EYA3: variants seen among roughly 807,000 people sequenced by gnomAD.
The protein encoded by EYA3 is EYA transcriptional coactivator and phosphatase 3, also known as protein phosphatase EYA3.
A neutral mutation model predicts 80.0 loss-of-function variants in EYA3; 39 were observed. The observed-to-expected ratio is 0.49, with a 90% CI of 0.38 to 0.64. EYA3 has a LOEUF of 0.64. EYA3 is among the 30% of genes least tolerant of loss of function. The pLI is 0.00. For synonymous variants in EYA3, 206 were observed against 232.8 expected, an observed-to-expected ratio of 0.88 and a Z score of 1.05; for missense variants, 523 against 676.1, an observed-to-expected ratio of 0.77 and a Z score of 2.51.
chr1:28,055,451 C>T (rs1297176985), intron 2 of EYA3, among the ~76,000 whole-genome samples: 4 of 145,420 alleles, frequency 2.8e-5, no homozygotes, highest in Non-Finnish European at 6.0e-5. Flanking sequence ...TGTGAGTTAT[C>T]TAAAGAAAAT....
At chr1:28,067,820 G>A (rs760047381) in intron 1 of EYA3, among the ~76,000 whole-genome samples, 7 of 152,164 alleles carry the variant, frequency 4.6e-5, no homozygotes, top group Admixed American at 6.5e-5. Context: ...GGACAGACAC[G>A]ATTCTCTCTT....
At chr1:27,998,740 T>C (rs1021241902) in intron 12 of EYA3, among the ~76,000 whole-genome samples, 2 of 151,278 alleles carry the variant, frequency 1.3e-5, no homozygotes, top group Non-Finnish European at 2.9e-5. Context: ...ATTAAAAAAA[T>C]GATTACTTTG....
intron 1 of EYA3, among the ~76,000 whole-genome samples, chr1:28,081,866 G>A (rs1645441647): frequency 6.6e-6 from 1 of 152,074 alleles, no homozygotes; most frequent in Non-Finnish European, 1.5e-5. Context: ...AATTTCAGGT[G>A]AAAGAAAACT....
chr1:28,064,378 C>CTATA lies in EYA3; in HGVS notation c.-68-6288_-68-6285dup, dbSNP rs71727340. Among the ~76,000 whole-genome samples, 367 of 136,344 alleles carry CTATA rather than the reference C, an allele frequency of 2.7e-3. 2 individuals carry two copies. Among genetic ancestry groups the CTATA allele is most frequent in the African/African-American group, 9.8e-3 (342 of 34,778 alleles). The allele number at this position is 136,344 out of a possible 152,430, so 89.4% of individuals were successfully genotyped here. On this transcript the variant is annotated intron_variant, in intron 1 of 17. Coordinates refer to ENST00000373871, the MANE Select transcript of EYA3 (RefSeq NM_001990.4). ...AGCCATCCTCTCTCTCTCTCTCTCT[C>CTATA]TATATATATATATATAAATATATAG...
At chr1:27,989,221 T>C (rs897620993) in intron 15 of EYA3, among the ~76,000 whole-genome samples, 6 of 152,250 alleles carry the variant, frequency 3.9e-5, no homozygotes, top group African/African-American at 1.4e-4. Flanking sequence ...TAATAGGGTA[T>C]TGGTGCAGAC....
chr1:27,977,195 A>G, intron 17 of EYA3: 1 of 1,485,558 alleles, frequency 6.7e-7, no homozygotes, highest in Non-Finnish European at 8.9e-7. Flanking sequence ...AAGCTTCATA[A>G]CATATGTGAA....
intron 17 of EYA3, among the ~76,000 whole-genome samples, chr1:27,978,143 T>C (rs1639064226): frequency 6.6e-6 from 1 of 152,162 alleles, no homozygotes; most frequent in Non-Finnish European, 1.5e-5. Flanking sequence ...TTAAAGATTT[T>C]AAGATTCTTG....
intron 14 of EYA3, among the ~76,000 whole-genome samples, chr1:27,992,775 C>T (rs560969181): frequency 2.0e-5 from 3 of 152,210 alleles, no homozygotes; most frequent in Non-Finnish European, 4.4e-5. Context: ...GCTGCCCCCA[C>T]TACCCCTATG....
chr1:28,084,890 ATT>A (rs1233926711), intron 1 of EYA3, among the ~76,000 whole-genome samples: 2 of 151,796 alleles, frequency 1.3e-5, no homozygotes, highest in East Asian at 3.9e-4. Flanking sequence ...TATTCCTAAT[ATT>A]TTAAAATACA....
intron 7 of EYA3, among the ~76,000 whole-genome samples, chr1:28,018,538 C>T (rs548213703): frequency 6.6e-6 from 1 of 152,168 alleles, no homozygotes; most frequent in African/African-American, 2.4e-5. Context: ...AACAAAGTCC[C>T]CCAGAGAGAA....
Position 27,994,920 on chromosome 1 carries a change from A to G in EYA3, c.1143-1360T>C, listed in dbSNP as rs573694095. Among the ~76,000 whole-genome samples, 239 of 151,214 alleles carry G rather than the reference A, an allele frequency of 1.6e-3. 2 individuals carry two copies. Among genetic ancestry groups the G allele is most frequent in the Non-Finnish European group, 3.1e-3 (210 of 67,780 alleles). On this transcript the variant is annotated intron_variant, in intron 13 of 17. Transcript: ENST00000373871. ...GGAGGCTATTGGGAACTATGATTGCACCATTGCACCTTAGCCTGGGCAACA... is the reference window on the plus strand; with the variant it reads ...GGAGGCTATTGGGAACTATGATTGCGCCATTGCACCTTAGCCTGGGCAACA...
At chr1:27,983,214 T>A (rs1639429538) in intron 16 of EYA3, among the ~76,000 whole-genome samples, 1 of 152,162 alleles carries the variant, frequency 6.6e-6, no homozygotes, top group African/African-American at 2.4e-5. Flanking sequence ...GTGGGCACGG[T>A]TTCAATAAAA....
At chr1:28,083,985 T>C (rs1411523334) in intron 1 of EYA3, among the ~76,000 whole-genome samples, 2 of 152,208 alleles carry the variant, frequency 1.3e-5, no homozygotes, top group East Asian at 3.8e-4. Flanking sequence ...GAAAACCATC[T>C]AACTGCTACA....
At chr1:28,044,049 A>G (rs1165974442) in intron 3 of EYA3, among the ~76,000 whole-genome samples, 1 of 152,248 alleles carries the variant, frequency 6.6e-6, no homozygotes, top group Non-Finnish European at 1.5e-5. Flanking sequence ...ATTGAGAATG[A>G]TAAGTCACAT....
At chr1:28,000,222 T>C (rs922597426) in intron 11 of EYA3, among the ~76,000 whole-genome samples, 173 bp from the exon 12 acceptor site, 2 of 152,226 alleles carry the variant, frequency 1.3e-5, no homozygotes, top group African/African-American at 4.8e-5. Flanking sequence ...GATTGTAAAA[T>C]AGAGAAGATA....
At chr1:28,019,534 T>A (rs923639086) in intron 7 of EYA3, among the ~76,000 whole-genome samples, 1 of 152,172 alleles carries the variant, frequency 6.6e-6, no homozygotes, top group African/African-American at 2.4e-5. Context: ...AGGCCTGCAA[T>A]AAAACTGAAC....
intron 3 of EYA3, 124 bp from the exon 4 acceptor site, chr1:28,042,774 T>C: frequency 1.4e-6 from 1 of 709,132 alleles, no homozygotes; most frequent in Non-Finnish European, 2.5e-6. Flanking sequence ...CTTCGTGATA[T>C]CCTTATTGTT....
intron 16 of EYA3, among the ~76,000 whole-genome samples, chr1:27,982,382 G>C (rs948937688): frequency 4.6e-5 from 7 of 151,278 alleles, no homozygotes; most frequent in African/African-American, 7.3e-5. Flanking sequence ...CTGGTCTCAA[G>C]TGATTCTCCC....
At chr1:28,007,959 G>A (rs931522276) in intron 10 of EYA3, among the ~76,000 whole-genome samples, 1 of 152,168 alleles carries the variant, frequency 6.6e-6, no homozygotes, top group Non-Finnish European at 1.5e-5. Flanking sequence ...GAACAAAGTT[G>A]AAGGATTCAC....
Sources: gnomAD v4.1 joint callset for allele counts (sites outside exome capture counted in the v4.1 genomes callset) on GRCh38, gnomAD v4.1.1 for gene constraint, MANE v1.5 for transcripts, NCBI Gene and HGNC (gene_info 2026-07-23, HGNC 2026-07-21) for gene names.